The following MYO1E variants were observed in gnomAD, a reference collection of about 807,000 sequenced individuals.
MYO1E encodes the protein unconventional myosin-Ie.
Under a neutral mutation model 151.1 loss-of-function variants are expected in MYO1E, and 68 were observed. The ratio of observed to expected loss-of-function variants is 0.45; its 90% CI spans 0.37 to 0.55. The LOEUF (loss-of-function observed/expected upper bound fraction) is 0.55, where lower values mean the gene tolerates loss of function less well. Ranked by LOEUF, MYO1E falls within the 20% of genes least tolerant of loss-of-function variation. MYO1E has a pLI of 0.00. For missense variants in MYO1E, 1,363 were observed against 1,389.3 expected (o/e 0.98, Z 0.30); for synonymous variants, 601 against 501.7 (o/e 1.20, Z -2.64).
intron 1 of MYO1E, among the ~76,000 whole-genome samples, chr15:59,328,339 T>C (rs1357613787): frequency 1.3e-5 from 2 of 152,048 alleles, no homozygotes; most frequent in African/African-American, 2.4e-5. Context: ...GAGAACTTGA[T>C]CCATTGCCAG....
At chr15:59,173,719 T>C in intron 21 of MYO1E, 27 bp downstream of exon 21, 3 of 1,612,668 alleles carry the variant, frequency 1.9e-6, no homozygotes, top group South Asian at 1.1e-5. Flanking sequence ...TGTTTGGTGA[T>C]CTCAGAGGCA....
At chr15:59,295,259 A>C (rs1210907897) in intron 1 of MYO1E, among the ~76,000 whole-genome samples, 2 of 152,074 alleles carry the variant, frequency 1.3e-5, no homozygotes, top group Non-Finnish European at 2.9e-5. Flanking sequence ...AGGAGGAAAA[A>C]AAAGGCATTC....
chr15:59,225,276 T>C (rs2079982695), intron 7 of MYO1E, among the ~76,000 whole-genome samples: 1 of 152,204 alleles, frequency 6.6e-6, no homozygotes. Context: ...CAGGATCTAC[T>C]TCCTTGCCAT....
chr15:59,214,078 A>G, intron 12 of MYO1E, 150 bp downstream of exon 12: 1 of 633,008 alleles, frequency 1.6e-6, no homozygotes, highest in Non-Finnish European at 2.7e-6. Context: ...AAATGCCACA[A>G]TGGCATATGG....
At chr15:59,352,190 C>T (rs1365874547) in intron 1 of MYO1E, among the ~76,000 whole-genome samples, 1 of 152,178 alleles carries the variant, frequency 6.6e-6, no homozygotes, top group African/African-American at 2.4e-5. Flanking sequence ...AAGTTTCCCT[C>T]GATTCCACTT....
In MYO1E at chr15:59,149,292, G is replaced by A. The variant is rs537362322; in HGVS notation, c.3080+4298C>T. Among the ~76,000 whole-genome samples, 6 of 152,166 alleles carry A rather than the reference G, an allele frequency of 3.9e-5. No homozygotes were observed. In the East Asian group the frequency reaches 9.7e-4, roughly 25 times the overall value. ...AGGATGGTCTTGATCTCCTGACCTCGTGATCCACCCACCTCGGCCTCCCAA... is the reference window on the plus strand; with the variant it reads ...AGGATGGTCTTGATCTCCTGACCTCATGATCCACCCACCTCGGCCTCCCAA... On this transcript the variant is annotated intron_variant, in intron 26 of 27. Transcript: ENST00000288235.
chr15:59,141,797 CAAAAAAAAA>C lies in MYO1E; in HGVS notation c.3081-3439_3081-3431del, dbSNP rs753344067. On this transcript the variant is annotated intron_variant, in intron 26 of 27. Transcript: ENST00000288235. ...TGGGCCACAGAGTAAGACTTTGTCT[CAAAAAAAAA>C]AAAAAAAAAAAAGGCTGGGTGCAGT... 7.4e-3 allele frequency among the ~76,000 whole-genome samples: 333 copies of C among 44,938 alleles called. 3 individuals are homozygous for C. Among genetic ancestry groups the C allele is most frequent in the African/African-American group, 0.026 (315 of 12,174 alleles). 29.5% of individuals were successfully genotyped at this position (44,938 alleles called of 152,430 possible).
intron 1 of MYO1E, among the ~76,000 whole-genome samples, chr15:59,279,935 G>A (rs1027488177): frequency 2.7e-4 from 41 of 152,166 alleles, no homozygotes; most frequent in East Asian, 3.9e-4. Flanking sequence ...TTCTGAGTAT[G>A]TATATATAAA....
chr15:59,243,172 A>G (rs1338490163), intron 4 of MYO1E, among the ~76,000 whole-genome samples: 1 of 150,940 alleles, frequency 6.6e-6, no homozygotes, highest in Non-Finnish European at 1.5e-5. Context: ...GTATAACCCA[A>G]GGATTAAAAA....
intron 22 of MYO1E, among the ~76,000 whole-genome samples, chr15:59,169,810 G>T (rs2079581741): frequency 6.6e-6 from 1 of 152,140 alleles, no homozygotes; most frequent in Non-Finnish European, 1.5e-5. Context: ...GTCCCTGCTT[G>T]ACAACCCCCT....
chr15:59,353,975 G>A (rs2080839671), intron 1 of MYO1E, among the ~76,000 whole-genome samples: 1 of 152,082 alleles, frequency 6.6e-6, no homozygotes, highest in Admixed American at 6.5e-5. Flanking sequence ...TAGAAAAAAT[G>A]TGCATATTTT....
At chr15:59,220,669 G>A (rs2079948884) in intron 9 of MYO1E, among the ~76,000 whole-genome samples, 1 of 152,022 alleles carries the variant, frequency 6.6e-6, no homozygotes, top group Non-Finnish European at 1.5e-5. Flanking sequence ...TGAGAAAGAT[G>A]ATAGAAACCA....
chr15:59,184,257 T>G (rs1376352966), intron 18 of MYO1E, among the ~76,000 whole-genome samples: 1 of 152,186 alleles, frequency 6.6e-6, no homozygotes, highest in Non-Finnish European at 1.5e-5. Flanking sequence ...TCCACACACC[T>G]TGGCCTCCCA....
intron 4 of MYO1E, among the ~76,000 whole-genome samples, chr15:59,247,573 G>T (rs759365388): frequency 6.6e-6 from 1 of 152,178 alleles, no homozygotes; most frequent in Non-Finnish European, 1.5e-5. Context: ...CAGAGGGCAG[G>T]CACTCAGGAA....
At chr15:59,239,348 A>T (rs1368802446) in intron 4 of MYO1E, among the ~76,000 whole-genome samples, 1 of 151,534 alleles carries the variant, frequency 6.6e-6, no homozygotes, top group African/African-American at 2.4e-5. Flanking sequence ...TTATTATTCA[A>T]CTTCCTACAT....
At chr15:59,254,667 C>T (rs2080183826) in intron 4 of MYO1E, among the ~76,000 whole-genome samples, 2 of 122,442 alleles carry the variant, frequency 1.6e-5, no homozygotes, top group Non-Finnish European at 4.0e-5. Context: ...TAATTATCCA[C>T]AATAAAAGGT....
intron 1 of MYO1E, among the ~76,000 whole-genome samples, chr15:59,334,402 T>C (rs192671302): frequency 2.4e-4 from 37 of 152,194 alleles, no homozygotes; most frequent in African/African-American, 7.7e-4. Flanking sequence ...TATTATGCAT[T>C]GTAGGACTGT....
At chr15:59,328,443 C>T (rs982210150) in intron 1 of MYO1E, among the ~76,000 whole-genome samples, 1 of 151,970 alleles carries the variant, frequency 6.6e-6, no homozygotes, top group South Asian at 2.1e-4. Context: ...TCCCAATACA[C>T]GCTTGGTACT....
At chr15:59,321,338 T>A (rs556652556) in intron 1 of MYO1E, among the ~76,000 whole-genome samples, 78 of 152,240 alleles carry the variant, frequency 5.1e-4, no homozygotes, top group African/African-American at 1.8e-3. Context: ...TGGGTATACA[T>A]CGAAAAGAAA....
Sources: gnomAD v4.1 joint callset for allele counts (sites outside exome capture counted in the v4.1 genomes callset) on GRCh38, gnomAD v4.1.1 for gene constraint, MANE v1.5 for transcripts, NCBI Gene and HGNC (gene_info 2026-07-23, HGNC 2026-07-21) for gene names.